TCERG1L: variants seen among roughly 807,000 people sequenced by gnomAD.
TCERG1L encodes transcription elongation regulator 1-like protein.
Under a neutral mutation model 56.3 loss-of-function variants are expected in TCERG1L, and 37 were observed. That is an observed-to-expected ratio of 0.66 (90% CI 0.51 to 0.87). The LOEUF is 0.87. TCERG1L is among the 40% of genes least tolerant of loss of function. TCERG1L has a pLI of 0.00. For missense variants in TCERG1L, 799 were observed against 774.2 expected, an observed-to-expected ratio of 1.03 and a Z score of -0.38; for synonymous variants, 324 against 326.3, an observed-to-expected ratio of 0.99 and a Z score of 0.08.
chr10:131,166,812 T>G lies in TCERG1L; in HGVS notation c.930A>C (p.Gly310=). 3 of 1,613,930 alleles carry G rather than the reference T, an allele frequency of 1.9e-6. No individual in the cohort carries two copies. The Admixed American group carries it at 5.0e-5, about 27-fold the overall frequency. The part of the protein sequence containing the change: ...LMLRAQKSRD[G]DKEDKEPPPM... ...CGAAACTGACCTTGTCTTCTTTGTC[T>G]CCATCCCGGCTCTTCTGGGCCCGCA... Residue 310 remains glycine, a synonymous_variant, in exon 5 of 12, where the codon GGA becomes GGC. Transcript: ENST00000368642.
intron 4 of TCERG1L, among the ~76,000 whole-genome samples, chr10:131,247,073 C>T (rs976327627): frequency 2.0e-5 from 3 of 152,130 alleles, no homozygotes; most frequent in South Asian, 2.1e-4. Flanking sequence ...GGGGAGTATG[C>T]CAGCTCGTTC....
At chr10:131,232,833 C>A (rs570009480) in intron 4 of TCERG1L, among the ~76,000 whole-genome samples, 2 of 152,200 alleles carry the variant, frequency 1.3e-5, no homozygotes, top group Non-Finnish European at 2.9e-5. Context: ...AAAGCTCCCC[C>A]CAACCCCACC....
At chr10:131,128,388 C>G (rs1173909972) in intron 8 of TCERG1L, among the ~76,000 whole-genome samples, 1 of 152,170 alleles carries the variant, frequency 6.6e-6, no homozygotes, top group African/African-American at 2.4e-5. Context: ...AGAAAATGCC[C>G]TTACAGAAGA....
chr10:131,178,993 G>C (rs185308453), intron 4 of TCERG1L, among the ~76,000 whole-genome samples: 2 of 152,238 alleles, frequency 1.3e-5, no homozygotes, highest in Non-Finnish European at 2.9e-5. Flanking sequence ...GTGTCATCAC[G>C]GAGGGTTCCG....
chr10:131,237,595 GTCA>G (rs1371442601), intron 4 of TCERG1L, among the ~76,000 whole-genome samples: 1 of 152,182 alleles, frequency 6.6e-6, no homozygotes, highest in Non-Finnish European at 1.5e-5. Context: ...CACATACAAT[GTCA>G]TCATTTTTTA....
At chr10:131,248,465 C>T (rs752868686) in intron 4 of TCERG1L, among the ~76,000 whole-genome samples, 23 of 152,186 alleles carry the variant, frequency 1.5e-4, no homozygotes, top group Non-Finnish European at 1.8e-4. Flanking sequence ...TCTCTCTGCC[C>T]TCCTTGGCTC....
At chr10:131,274,053 T>C (rs1564831197) in intron 3 of TCERG1L, among the ~76,000 whole-genome samples, 1 of 152,200 alleles carries the variant, frequency 6.6e-6, no homozygotes, top group East Asian at 1.9e-4. Flanking sequence ...GGGCGTGTGA[T>C]GGAAGCACCA....
At chr10:131,112,671 G>A (rs534095796) in intron 9 of TCERG1L, among the ~76,000 whole-genome samples, 5 of 141,994 alleles carry the variant, frequency 3.5e-5, no homozygotes, top group Non-Finnish European at 7.9e-5. Context: ...TGAAGATGAG[G>A]CCATTGCCTT....
At chr10:131,130,487 T>C (rs1589723482) in intron 8 of TCERG1L, among the ~76,000 whole-genome samples, 1 of 152,294 alleles carries the variant, frequency 6.6e-6, no homozygotes, top group East Asian at 1.9e-4. Context: ...TTTGGCTTCT[T>C]CCATCCTGGC....
At chr10:131,229,246 T>A (rs1845825235) in intron 4 of TCERG1L, among the ~76,000 whole-genome samples, 1 of 152,272 alleles carries the variant, frequency 6.6e-6, no homozygotes, top group African/African-American at 2.4e-5. Context: ...CCGTCCTCAG[T>A]GGCTGTTCCA....
intron 4 of TCERG1L, among the ~76,000 whole-genome samples, chr10:131,219,675 C>T (rs1845708679): frequency 6.6e-6 from 1 of 152,224 alleles, no homozygotes; most frequent in Admixed American, 6.5e-5. Context: ...TTCCGATGCT[C>T]TGAGGGGCTT....
At chr10:131,224,971 C>T (rs562449790) in intron 4 of TCERG1L, among the ~76,000 whole-genome samples, 6 of 152,252 alleles carry the variant, frequency 3.9e-5, no homozygotes, top group African/African-American at 1.4e-4. Flanking sequence ...ACCATCGGCC[C>T]GCAGTGTGGA....
chr10:131,280,219 G>C (rs1458526339), intron 3 of TCERG1L, among the ~76,000 whole-genome samples: 1 of 150,674 alleles, frequency 6.6e-6, no homozygotes, highest in Non-Finnish European at 1.5e-5. Context: ...CATTCTTTGA[G>C]TTCCTGATGA....
chr10:131,302,433 A>G (rs976707599), intron 3 of TCERG1L, among the ~76,000 whole-genome samples: 12 of 150,402 alleles, frequency 8.0e-5, no homozygotes, highest in Non-Finnish European at 1.6e-4. Flanking sequence ...TTCCAACCTG[A>G]CTCTGGTATA....
At chr10:131,213,565 G>T (rs1238296703) in intron 4 of TCERG1L, among the ~76,000 whole-genome samples, 1 of 152,188 alleles carries the variant, frequency 6.6e-6, no homozygotes, top group African/African-American at 2.4e-5. Flanking sequence ...GCCCGGCTGC[G>T]CCTCAGTGTC....
chr10:131,182,130 CGTGT>C (rs1312782530), intron 4 of TCERG1L, among the ~76,000 whole-genome samples: 2 of 152,052 alleles, frequency 1.3e-5, no homozygotes, highest in East Asian at 1.9e-4. Flanking sequence ...GCACACAGGA[CGTGT>C]GTGTATGAGC....
intron 9 of TCERG1L, among the ~76,000 whole-genome samples, chr10:131,110,091 G>A (rs887490377): frequency 2.0e-5 from 3 of 152,212 alleles, no homozygotes; most frequent in Admixed American, 2.0e-4. Flanking sequence ...TGAGGTTCAG[G>A]AAGGGAAACT....
intron 3 of TCERG1L, among the ~76,000 whole-genome samples, chr10:131,302,393 T>G (rs1264193945): frequency 1.3e-5 from 2 of 151,888 alleles, no homozygotes; most frequent in African/African-American, 4.8e-5. Flanking sequence ...TCAGATGGGT[T>G]TTATTTAACC....
intron 6 of TCERG1L, among the ~76,000 whole-genome samples, chr10:131,157,823 C>T (rs1447413888): frequency 1.3e-5 from 2 of 152,212 alleles, no homozygotes; most frequent in Non-Finnish European, 2.9e-5. Flanking sequence ...AATACCATGC[C>T]TGGGACACGG....
Sources: allele counts gnomAD v4.1 joint callset (sites outside exome capture counted in the v4.1 genomes callset), GRCh38; gene constraint gnomAD v4.1.1; transcripts MANE v1.5; gene names NCBI Gene and HGNC (gene_info 2026-07-23, HGNC 2026-07-21).